Variants in CCDC60 observed in about 807,000 individuals in gnomAD.
CCDC60 encodes the protein coiled-coil domain-containing protein 60.
In CCDC60, 54 loss-of-function variants were observed where a neutral mutation model predicts 63.5. The ratio of observed to expected loss-of-function variants is 0.85; its 90% CI spans 0.68 to 1.07. CCDC60 has a LOEUF of 1.07. Among genes scored for constraint, CCDC60 ranks in the 50% least tolerant of loss-of-function variants. The pLI, the probability that CCDC60 is intolerant of heterozygous loss-of-function variation, is 0.00. For synonymous variants in CCDC60, 206 were observed against 238.8 expected, an observed-to-expected ratio of 0.86 and a Z score of 1.27; for missense variants, 651 against 684.3, an observed-to-expected ratio of 0.95 and a Z score of 0.54.
intron 8 of CCDC60, among the ~76,000 whole-genome samples, chr12:119,517,796 G>C (rs987220213): frequency 6.6e-6 from 1 of 152,200 alleles, no homozygotes; most frequent in African/African-American, 2.4e-5. Context: ...CTCATAAGGA[G>C]GTACTATCAG....
intron 1 of CCDC60, among the ~76,000 whole-genome samples, chr12:119,356,756 A>C (rs888290517): frequency 1.3e-5 from 2 of 152,230 alleles, no homozygotes; most frequent in Non-Finnish European, 2.9e-5. Context: ...AAGGCCTGAA[A>C]AATTGGCCTT....
At chr12:119,501,670 C>A (rs1364387039) in intron 6 of CCDC60, among the ~76,000 whole-genome samples, 1 of 152,086 alleles carries the variant, frequency 6.6e-6, no homozygotes, top group Non-Finnish European at 1.5e-5. Context: ...CAGTGTGCAT[C>A]CGTCTTCAGA....
At chr12:119,419,608 T>C (rs10849660) in intron 1 of CCDC60, among the ~76,000 whole-genome samples, 1 of 152,018 alleles carries the variant, frequency 6.6e-6, no homozygotes, top group Admixed American at 6.5e-5. Context: ...CATCTTCTCA[T>C]TCATTCAGCA....
Position 119,479,220 on chromosome 12 carries a change from A to G in CCDC60, c.449+19A>G, listed in dbSNP as rs2136344939. The G allele has an allele frequency of 1.3e-6, 2 of 1,560,234 alleles. No individual in the cohort carries two copies. The highest frequency in any genetic ancestry group is 3.4e-5 in the Admixed American group (2 of 59,692). On this transcript the variant is annotated intron_variant, in intron 4 of 13. Transcript: ENST00000327554. ...CTCACGTGTAAGTAGTCTCACCTCC[A>G]GCTCATTTGCTTTGCTAGCTTATAA...
intron 2 of CCDC60, among the ~76,000 whole-genome samples, chr12:119,438,703 A>T (rs977877411): frequency 6.6e-6 from 1 of 152,152 alleles, no homozygotes; most frequent in Non-Finnish European, 1.5e-5. Context: ...GCTGTCTTGA[A>T]AGTATCTGAA....
chr12:119,374,069 A>T (rs1955927284), intron 1 of CCDC60, among the ~76,000 whole-genome samples: 1 of 152,144 alleles, frequency 6.6e-6, no homozygotes, highest in South Asian at 2.1e-4. Context: ...CCAGAGGGAG[A>T]AAACCTATGC....
At chr12:119,479,331 C>T in intron 4 of CCDC60, 130 bp downstream of exon 4, 1 of 628,892 alleles carries the variant, frequency 1.6e-6, no homozygotes, top group Non-Finnish European at 2.8e-6. Context: ...GAGCCTGGAG[C>T]TGGCAAAGCT....
intron 4 of CCDC60, among the ~76,000 whole-genome samples, chr12:119,486,355 A>AG (rs1480585231): frequency 1.3e-5 from 2 of 152,110 alleles, no homozygotes; most frequent in African/African-American, 4.8e-5. Context: ...TAGGCAACGT[A>AG]GGAAGTCCCC....
At chr12:119,509,131 C>T (rs749212773) in intron 7 of CCDC60, among the ~76,000 whole-genome samples, 6 of 152,182 alleles carry the variant, frequency 3.9e-5, no homozygotes, top group Non-Finnish European at 8.8e-5. Flanking sequence ...AAAACTCCCT[C>T]AAACCCTACC....
At chr12:119,394,220 A>T (rs1274134997) in intron 1 of CCDC60, among the ~76,000 whole-genome samples, 1 of 152,232 alleles carries the variant, frequency 6.6e-6, no homozygotes, top group Non-Finnish European at 1.5e-5. Context: ...GGCTCAGAGA[A>T]GATAAAGGAC....
At chr12:119,494,034 C>A (rs1951660583) in intron 5 of CCDC60, among the ~76,000 whole-genome samples, 1 of 152,172 alleles carries the variant, frequency 6.6e-6, no homozygotes, top group Non-Finnish European at 1.5e-5. Flanking sequence ...TTCTGTCATG[C>A]TTTGCTACCA....
intron 2 of CCDC60, among the ~76,000 whole-genome samples, chr12:119,459,050 G>A (rs763047720): frequency 1.2e-4 from 19 of 152,144 alleles, no homozygotes; most frequent in African/African-American, 2.2e-4. Flanking sequence ...CACCACACCC[G>A]GCCAAGAGAT....
chr12:119,516,782 T>C lies in CCDC60; in HGVS notation c.968+75T>C, dbSNP rs900533998. 2.9e-5 allele frequency: 28 copies of C among 971,074 alleles called. No homozygotes were observed. In the African/African-American group the frequency reaches 3.7e-4, roughly 13 times the overall value. 60.2% of individuals were successfully genotyped at this position (971,074 alleles called of 1,614,324 possible). ...CACATTAACAGTAGTAGTTGCCAAC[T>C]GTTGAGCATTTTCTCTGTGACAGGC... On this transcript the variant is annotated intron_variant, in intron 8 of 13. Coordinates refer to ENST00000327554, the MANE Select transcript of CCDC60 (RefSeq NM_178499.5).
chr12:119,502,058 G>T (rs985784568), intron 6 of CCDC60, among the ~76,000 whole-genome samples: 1 of 152,152 alleles, frequency 6.6e-6, no homozygotes, highest in Non-Finnish European at 1.5e-5. Flanking sequence ...TCTAGGCAGT[G>T]TTCATAGGGG....
intron 2 of CCDC60, among the ~76,000 whole-genome samples, chr12:119,448,528 CA>C (rs1950579508): frequency 6.6e-6 from 1 of 152,150 alleles, no homozygotes; most frequent in Non-Finnish European, 1.5e-5. Context: ...GAGCTAGAAA[CA>C]GTAACTATCA....
intron 1 of CCDC60, among the ~76,000 whole-genome samples, chr12:119,345,369 G>A (rs1955580467): frequency 6.6e-6 from 1 of 152,240 alleles, no homozygotes; most frequent in South Asian, 2.1e-4. Flanking sequence ...AGGTGTGGTG[G>A]CATGTGCCTA....
chr12:119,348,589 C>T (rs1195782485), intron 1 of CCDC60, among the ~76,000 whole-genome samples: 1 of 152,172 alleles, frequency 6.6e-6, no homozygotes, highest in Non-Finnish European at 1.5e-5. Context: ...ATGCTGAAAG[C>T]TCTCACCTGT....
At chr12:119,349,634 TG>T (rs1264755251) in intron 1 of CCDC60, among the ~76,000 whole-genome samples, 1 of 150,612 alleles carries the variant, frequency 6.6e-6, no homozygotes, top group Non-Finnish European at 1.5e-5. Flanking sequence ...CCACTGCGCC[TG>T]GCCCAGGGCG....
Position 119,472,088 on chromosome 12 carries a change from C to G in CCDC60, c.265C>G (p.Leu89Val). 2 of 1,614,054 alleles carry G rather than the reference C, an allele frequency of 1.2e-6. No homozygotes were observed. Among genetic ancestry groups the G allele is most frequent in the Non-Finnish European group, 1.7e-6 (2 of 1,179,972 alleles). ...AAAGAAGCAACAACAACTTCAGAAA[C>G]TGAAAGAGGAGGAAAGAAATAAATT... is the stretch of plus-strand genomic sequence containing the variant. Reference protein sequence around the residue: ...KKKKQQQLQKLKEEERNKFQP... With the variant: ...KKKKQQQLQKVKEEERNKFQP... The change falls in exon 3 of 14, where the codon CTG becomes GTG. Residue 89 changes from leucine (L) to valine (V), a missense_variant. Physicochemically the swap from Leu to Val is conservative, Grantham distance 32. Transcript: ENST00000327554.
Sources: gnomAD v4.1 joint callset for allele counts (sites outside exome capture counted in the v4.1 genomes callset) on GRCh38, gnomAD v4.1.1 for gene constraint, MANE v1.5 for transcripts, NCBI Gene and HGNC (gene_info 2026-07-23, HGNC 2026-07-21) for gene names.